The following UST variants were observed in gnomAD, a reference collection of about 807,000 sequenced individuals.
The protein encoded by UST is uronyl 2-sulfotransferase, also known as chondroitin sulfate 2-O-sulfotransferase.
In UST, 21 loss-of-function variants were observed where a neutral mutation model predicts 45.6. That is an observed-to-expected ratio of 0.46 (90% CI 0.33 to 0.66). The LOEUF is 0.66. UST is among the 30% of genes least tolerant of loss of function. The probability of loss-of-function intolerance (pLI) is 0.02; values close to 1 mark genes in which losing one functional copy is unlikely to be tolerated. For missense variants in UST, 463 were observed against 512.4 expected, an observed-to-expected ratio of 0.90 and a Z score of 0.93; for synonymous variants, 215 against 200.6, an observed-to-expected ratio of 1.07 and a Z score of -0.61.
chr6:148,900,110 T>TC (rs1779219722), intron 2 of UST, among the ~76,000 whole-genome samples: 1 of 152,202 alleles, frequency 6.6e-6, no homozygotes, highest in Non-Finnish European at 1.5e-5. Flanking sequence ...TTTTCTATGA[T>TC]CCCCAATTTA....
intron 1 of UST, among the ~76,000 whole-genome samples, chr6:148,771,911 G>T (rs908292867): frequency 3.3e-5 from 5 of 152,180 alleles, no homozygotes; most frequent in African/African-American, 1.2e-4. Flanking sequence ...CATTGGGAAA[G>T]GGTGGCCTCT....
intron 4 of UST, among the ~76,000 whole-genome samples, chr6:148,957,035 G>T (rs1358999447): frequency 6.6e-6 from 1 of 152,202 alleles, no homozygotes; most frequent in Non-Finnish European, 1.5e-5. Context: ...ACCAGCAGAA[G>T]AGCAGGGCCA....
intron 1 of UST, among the ~76,000 whole-genome samples, chr6:148,770,836 G>A (rs971564810): frequency 1.3e-5 from 2 of 152,110 alleles, no homozygotes; most frequent in South Asian, 2.1e-4. Context: ...ACATGTCACC[G>A]AGGTCCTTTG....
intron 5 of UST, among the ~76,000 whole-genome samples, chr6:149,011,997 T>G (rs1363609022): frequency 1.3e-5 from 2 of 152,226 alleles, no homozygotes; most frequent in East Asian, 3.8e-4. Context: ...CACATAGCCA[T>G]AAACTCAGAA....
intron 2 of UST, among the ~76,000 whole-genome samples, chr6:148,888,870 G>T (rs1207446403): frequency 2.0e-5 from 3 of 152,156 alleles, no homozygotes; most frequent in Non-Finnish European, 4.4e-5. Context: ...GAATATAGAG[G>T]ATTATGTTCT....
intron 2 of UST, among the ~76,000 whole-genome samples, chr6:148,898,106 ATAAATAT>A (rs1258085361): frequency 6.6e-6 from 1 of 152,236 alleles, no homozygotes; most frequent in East Asian, 1.9e-4. Context: ...ATGATTCATG[ATAAATAT>A]ATCAGGTTTA....
Position 148,747,361 on chromosome 6 carries a change from TCTC to T in UST, c.-63_-61del, listed in dbSNP as rs1775885676. 3 of 1,360,586 alleles carry T rather than the reference TCTC, an allele frequency of 2.2e-6. No individual in the cohort carries two copies. The highest frequency in any genetic ancestry group is 2.9e-6 in the Non-Finnish European group (3 of 1,052,214). 84.3% of individuals were successfully genotyped at this position (1,360,586 alleles called of 1,614,324 possible). A position where few individuals can be genotyped will look rare whatever the true frequency, so the allele number is the denominator to read the frequency against. On this transcript the variant is annotated 5_prime_UTR_variant, in exon 1 of 8. Transcript: ENST00000367463. ...CCCATGTGCAGCCGGCCAGCCGGGC[TCTC>T]CTCCTCGCGGCGGATGGGTGACCTT...
intron 7 of UST, among the ~76,000 whole-genome samples, chr6:149,068,415 A>G (rs1020533593): frequency 2.6e-5 from 4 of 152,196 alleles, no homozygotes; most frequent in African/African-American, 4.8e-5. Flanking sequence ...ATTAAGTATG[A>G]TTGTGTGTAC....
chr6:149,074,040 C>T lies in UST; in HGVS notation c.1145C>T (p.Pro382Leu), dbSNP rs1243550496. ...AGGCCACACTTCTTTATCCCAACTCCACTGGAAACCGAGGAGCCAATCGAC... is the reference window on the plus strand; with the variant it reads ...AGGCCACACTTCTTTATCCCAACTCTACTGGAAACCGAGGAGCCAATCGAC... ...PLRPHFFIPTPLETEEPIDDE... is the reference protein window; with the variant it reads ...PLRPHFFIPTLLETEEPIDDE... Residue 382 changes from proline (P) to leucine (L), a missense_variant, in exon 8 of 8, where the codon CCA becomes CTA. Physicochemically the swap from Pro to Leu is moderately conservative, Grantham distance 98. This residue lies in a region of UST where 287 missense variants were observed against 374.2 expected (regional missense o/e 0.77). Transcript: ENST00000367463. 6.2e-7 allele frequency: 1 copy of T among 1,614,206 alleles called. No individual in the cohort carries two copies.
At chr6:148,762,910 G>A (rs1776247920) in intron 1 of UST, among the ~76,000 whole-genome samples, 1 of 152,152 alleles carries the variant, frequency 6.6e-6, no homozygotes, top group Non-Finnish European at 1.5e-5. Context: ...TCTGTTGATG[G>A]ACAGTTAGTT....
At chr6:148,771,418 C>T (rs1258976472) in intron 1 of UST, among the ~76,000 whole-genome samples, 1 of 152,200 alleles carries the variant, frequency 6.6e-6, no homozygotes, top group African/African-American at 2.4e-5. Context: ...TGTTGGATGA[C>T]ATCCAGCCCC....
intron 1 of UST, among the ~76,000 whole-genome samples, chr6:148,758,616 C>T (rs1776142159): frequency 6.6e-6 from 1 of 152,228 alleles, no homozygotes; most frequent in Non-Finnish European, 1.5e-5. Flanking sequence ...TTTCTTTTCT[C>T]AGTTCCCACT....
At chr6:148,857,851 C>G (rs929798723) in intron 1 of UST, among the ~76,000 whole-genome samples, 2 of 150,866 alleles carry the variant, frequency 1.3e-5, no homozygotes, top group Non-Finnish European at 2.9e-5. Flanking sequence ...TCTGTCTGAT[C>G]CAGGTCTGGG....
chr6:148,837,737 C>T (rs556109379), intron 1 of UST, among the ~76,000 whole-genome samples: 2 of 151,608 alleles, frequency 1.3e-5, no homozygotes, highest in Non-Finnish European at 2.9e-5. Context: ...ACTTTATCAC[C>T]CAGGCTGGAG....
At position 148,859,069 on chromosome 6, in the gene UST, T is replaced by G. The variant is rs1054736989; in HGVS notation, c.248-27917T>G. Among the ~76,000 whole-genome samples, 21 of 152,310 alleles carry G rather than the reference T, an allele frequency of 1.4e-4. 1 individual carries two copies. The East Asian group carries it at 4.0e-3, about 29-fold the overall frequency. ...TCTAGTTCTAGATCCTTGAGGAATC[T>G]CCACACTGTCTTCCACAATGGTTGA... On this transcript the variant is annotated intron_variant, in intron 1 of 7. Transcript: ENST00000367463.
intron 1 of UST, among the ~76,000 whole-genome samples, chr6:148,751,287 T>G (rs1400895323): frequency 1.3e-5 from 2 of 152,252 alleles, no homozygotes; most frequent in East Asian, 1.9e-4. Flanking sequence ...AAAATGCATC[T>G]TGTTTGCTAC....
intron 5 of UST, among the ~76,000 whole-genome samples, chr6:148,987,065 T>G (rs1375385140): frequency 6.7e-6 from 1 of 149,912 alleles, no homozygotes; most frequent in East Asian, 2.0e-4. Context: ...CAGACACTAT[T>G]GGAAAAATGT....
At chr6:148,912,997 G>A (rs72994212) in intron 2 of UST, among the ~76,000 whole-genome samples, 41,912 of 152,084 alleles carry the variant, frequency 0.28, 6,173 homozygotes, top group Non-Finnish European at 0.33. Flanking sequence ...TTTCTGACAC[G>A]CTTCCAGGTT....
At chr6:148,904,001 C>T (rs1367042265) in intron 2 of UST, among the ~76,000 whole-genome samples, 1 of 152,118 alleles carries the variant, frequency 6.6e-6, no homozygotes, top group Non-Finnish European at 1.5e-5. Flanking sequence ...AAACTAATAA[C>T]CAAAATGATC....
Sources: allele counts gnomAD v4.1 joint callset (sites outside exome capture counted in the v4.1 genomes callset), GRCh38; gene constraint gnomAD v4.1.1; regional missense constraint gnomAD v4.1.1; transcripts MANE v1.5; gene names NCBI Gene and HGNC (gene_info 2026-07-23, HGNC 2026-07-21).